The following ARMH3 variants were observed in gnomAD, a reference collection of about 807,000 sequenced individuals.
ARMH3 encodes the protein armadillo like helical domain containing 3, also known as armadillo-like helical domain-containing protein 3.
Under a neutral mutation model 99.1 loss-of-function variants are expected in ARMH3, and 60 were observed. The observed-to-expected ratio is 0.61, with a 90% CI of 0.49 to 0.75. The LOEUF (loss-of-function observed/expected upper bound fraction) is 0.75, where lower values mean the gene tolerates loss of function less well. ARMH3 is among the 30% of genes least tolerant of loss of function. The pLI is 0.00. For synonymous variants in ARMH3, 285 were observed against 292.8 expected (o/e 0.97, Z 0.27); for missense variants, 679 against 843.1 (o/e 0.81, Z 2.41).
chr10:101,872,176 T>G (rs550730752), intron 24 of ARMH3, among the ~76,000 whole-genome samples: 1 of 151,904 alleles, frequency 6.6e-6, no homozygotes, highest in South Asian at 2.1e-4. Flanking sequence ...ACTGAGAATA[T>G]GCAAAGAAAA....
chr10:101,948,268 G>A (rs1844638507), intron 22 of ARMH3, among the ~76,000 whole-genome samples: 1 of 152,072 alleles, frequency 6.6e-6, no homozygotes, highest in African/African-American at 2.4e-5. Flanking sequence ...GTATGTGCCT[G>A]TAGTCCCACC....
chr10:102,007,645 T>C (rs1564843307), intron 13 of ARMH3, among the ~76,000 whole-genome samples: 1 of 120,622 alleles, frequency 8.3e-6, no homozygotes. Context: ...ACAGTGAAAC[T>C]CTGTCTCTAC....
intron 15 of ARMH3, among the ~76,000 whole-genome samples, chr10:102,000,366 A>G (rs1177587178): frequency 6.6e-6 from 1 of 152,120 alleles, no homozygotes; most frequent in Non-Finnish European, 1.5e-5. Flanking sequence ...AGTCAAATTT[A>G]TAGAGGCAGA....
At chr10:101,982,790 C>T (rs1381851047) in intron 19 of ARMH3, among the ~76,000 whole-genome samples, 1 of 152,074 alleles carries the variant, frequency 6.6e-6, no homozygotes, top group Non-Finnish European at 1.5e-5. Context: ...TCCCATCACT[C>T]CCAGACAGGA....
intron 23 of ARMH3, among the ~76,000 whole-genome samples, chr10:101,905,945 G>C (rs2068092378): frequency 6.6e-6 from 1 of 152,078 alleles, no homozygotes; most frequent in Non-Finnish European, 1.5e-5. Context: ...TTCTTATACA[G>C]AGTGTTTATC....
chr10:101,869,662 A>C (rs1455763298), intron 24 of ARMH3, among the ~76,000 whole-genome samples: 1 of 152,244 alleles, frequency 6.6e-6, no homozygotes, highest in South Asian at 2.1e-4. Flanking sequence ...TTTCTACCTT[A>C]TGAAATTAGA....
chr10:101,865,416 G>A (rs1278570014), intron 24 of ARMH3, among the ~76,000 whole-genome samples: 1 of 152,112 alleles, frequency 6.6e-6, no homozygotes, highest in African/African-American at 2.4e-5. Context: ...TGAGAGAAAT[G>A]TAAGCAAACG....
rs189623426 is a variant in ARMH3, at chr10:101,851,581, C to T, written c.1861-1689G>A. On this transcript the variant is annotated intron_variant, in intron 24 of 25. Transcript: ENST00000370033. ...CAGGCTCTTGAGGGGCCCAAAGGTG[C>T]CTCTGCACTGTTCCCTGCACCAGTC... Among the ~76,000 whole-genome samples, 31 of 152,276 alleles carry T rather than the reference C, an allele frequency of 2.0e-4. 1 individual carries two copies. Among genetic ancestry groups the T allele is most frequent in the Admixed American group, 2.0e-3 (30 of 15,290 alleles).
intron 24 of ARMH3, among the ~76,000 whole-genome samples, chr10:101,871,511 A>G (rs1343704785): frequency 2.6e-5 from 4 of 152,370 alleles, no homozygotes; most frequent in Admixed American, 6.5e-5. Flanking sequence ...TAAACTGCAC[A>G]TACATGTTCA....
chr10:102,017,159 T>G (rs1277465538), intron 8 of ARMH3, among the ~76,000 whole-genome samples: 1 of 152,212 alleles, frequency 6.6e-6, no homozygotes, highest in Non-Finnish European at 1.5e-5. Context: ...CATGCTAGTT[T>G]GCACAGAATT....
chr10:101,960,106 A>G (rs1343097875), intron 20 of ARMH3, among the ~76,000 whole-genome samples: 1 of 151,638 alleles, frequency 6.6e-6, no homozygotes, highest in Non-Finnish European at 1.5e-5. Flanking sequence ...TAAACCCGGG[A>G]GGCGGAGGCT....
intron 24 of ARMH3, among the ~76,000 whole-genome samples, chr10:101,887,592 C>CTTTTTTTT (rs34624064): frequency 5.2e-5 from 5 of 96,846 alleles, no homozygotes; most frequent in African/African-American, 7.9e-5. Flanking sequence ...CTCTCTCTCT[C>CTTTTTTTT]TTTTTTTTTT....
chr10:102,045,010 C>T (rs1590232151), intron 1 of ARMH3, among the ~76,000 whole-genome samples: 1 of 151,670 alleles, frequency 6.6e-6, no homozygotes, highest in East Asian at 2.0e-4. Context: ...ATGGCGGGAG[C>T]CTGTAATCCC....
chr10:101,901,710 C>G (rs1261480360), intron 23 of ARMH3, among the ~76,000 whole-genome samples: 1 of 151,982 alleles, frequency 6.6e-6, no homozygotes, highest in Non-Finnish European at 1.5e-5. Context: ...GGGTTGGCTA[C>G]AGAAGGGAGG....
chr10:101,867,118 C>G (rs187172799), intron 24 of ARMH3, among the ~76,000 whole-genome samples: 3 of 152,226 alleles, frequency 2.0e-5, no homozygotes, highest in Admixed American at 6.5e-5. Flanking sequence ...AACCTTTAAG[C>G]CCTGAGTCTT....
chr10:101,912,661 T>C (rs1400804877), intron 23 of ARMH3, among the ~76,000 whole-genome samples: 1 of 152,206 alleles, frequency 6.6e-6, no homozygotes, highest in East Asian at 1.9e-4. Flanking sequence ...CTTTTATTTC[T>C]TTTTCTTGCC....
In ARMH3 at chr10:101,946,071, CAAAAAAAAAAAAAAA is replaced by C. The variant is rs569179050; in HGVS notation, c.1706-6148_1706-6134del. Among the ~76,000 whole-genome samples, 17 of 34,486 alleles carry C rather than the reference CAAAAAAAAAAAAAAA, an allele frequency of 4.9e-4. 1 individual carries two copies. The highest frequency in any genetic ancestry group is 2.6e-3 in the African/African-American group (11 of 4,174). 22.6% of individuals were successfully genotyped at this position (34,486 alleles called of 152,430 possible). A position where few individuals can be genotyped will look rare whatever the true frequency, so the allele number is the denominator to read the frequency against. On this transcript the variant is annotated intron_variant, in intron 22 of 25. Transcript: ENST00000370033. ...TGGGCGACAGAGTAAGACTCTGCCTCAAAAAAAAAAAAAAAAAAAAAAAAAAAAAAAAGTCCAGGA... is the reference window on the plus strand; with the variant it reads ...TGGGCGACAGAGTAAGACTCTGCCTCAAAAAAAAAAAAAAAAAGTCCAGGA...
At chr10:101,957,615 G>C (rs759070649) in intron 21 of ARMH3, 35 bp downstream of exon 21, 1 of 1,575,810 alleles carries the variant, frequency 6.3e-7, no homozygotes, top group Non-Finnish European at 8.6e-7. Flanking sequence ...TTAGCATATG[G>C]CTTCAGAAAA....
intron 1 of ARMH3, among the ~76,000 whole-genome samples, chr10:102,040,849 G>A (rs2067394006): frequency 6.6e-6 from 1 of 152,024 alleles, no homozygotes; most frequent in South Asian, 2.1e-4. Flanking sequence ...GGCAGGAAGT[G>A]TGCTGCAGAC....
Sources: gnomAD v4.1 joint callset for allele counts (sites outside exome capture counted in the v4.1 genomes callset) on GRCh38, gnomAD v4.1.1 for gene constraint, MANE v1.5 for transcripts, NCBI Gene and HGNC (gene_info 2026-07-23, HGNC 2026-07-21) for gene names.